ULK4: variants seen among roughly 807,000 people sequenced by gnomAD.
ULK4 encodes the protein inactive serine/threonine-protein kinase ULK4.
ULK4 carries 133 observed loss-of-function variants against 160.6 expected under a neutral mutation model. The ratio of observed to expected loss-of-function variants is 0.83; its 90% CI spans 0.72 to 0.96. The LOEUF (loss-of-function observed/expected upper bound fraction) is 0.96. ULK4 is among the 40% of genes least tolerant of loss of function. The pLI is 0.00. For missense variants in ULK4, 1,580 were observed against 1,499.5 expected, an observed-to-expected ratio of 1.05 and a Z score of -0.89; for synonymous variants, 534 against 539.8, an observed-to-expected ratio of 0.99 and a Z score of 0.15.
intron 34 of ULK4, among the ~76,000 whole-genome samples, chr3:41,412,100 T>C (rs559736929): frequency 1.6e-4 from 25 of 152,232 alleles, no homozygotes; most frequent in African/African-American, 6.0e-4. Flanking sequence ...TTTAACAAAG[T>C]TGCAGGATTC....
chr3:41,277,798 T>C (rs2079255049), intron 35 of ULK4: 1 of 152,184 alleles, frequency 6.6e-6, no homozygotes, highest in Non-Finnish European at 1.5e-5. Flanking sequence ...GATGATATGA[T>C]CACTTACCTT....
At chr3:41,758,953 T>TA (rs2038898866) in intron 21 of ULK4, among the ~76,000 whole-genome samples, 1 of 151,656 alleles carries the variant, frequency 6.6e-6, no homozygotes, top group Non-Finnish European at 1.5e-5. Flanking sequence ...CAATTACTAA[T>TA]AAAAAACCAT....
At chr3:41,474,750 C>T (rs1443692784) in intron 32 of ULK4, among the ~76,000 whole-genome samples, 1 of 148,562 alleles carries the variant, frequency 6.7e-6, no homozygotes, top group Non-Finnish European at 1.5e-5. Context: ...TGAAAAGATG[C>T]TCATCACCAG....
intron 34 of ULK4, among the ~76,000 whole-genome samples, chr3:41,423,730 T>G (rs1361286552): frequency 6.7e-6 from 1 of 150,304 alleles, no homozygotes; most frequent in African/African-American, 2.5e-5. Flanking sequence ...CCATGGGGAG[T>G]GAGGAAAAGC....
At chr3:41,564,350 TGAG>T (rs1293092914) in intron 32 of ULK4, among the ~76,000 whole-genome samples, 1 of 151,872 alleles carries the variant, frequency 6.6e-6, no homozygotes, top group Non-Finnish European at 1.5e-5. Context: ...GGGACCCACT[TGAG>T]GAGGTAGTCC....
intron 35 of ULK4, among the ~76,000 whole-genome samples, chr3:41,361,964 A>G (rs2081154992): frequency 1.3e-5 from 2 of 152,210 alleles, no homozygotes; most frequent in South Asian, 4.1e-4. Flanking sequence ...CTGTATTTTC[A>G]GAAAGGCATT....
intron 32 of ULK4, among the ~76,000 whole-genome samples, chr3:41,505,613 A>C (rs2085347937): frequency 6.6e-6 from 1 of 152,176 alleles, no homozygotes; most frequent in African/African-American, 2.4e-5. Context: ...GGCAGAAACC[A>C]GGTCAATTTT....
intron 20 of ULK4, among the ~76,000 whole-genome samples, chr3:41,799,633 A>T (rs984061190): frequency 4.6e-5 from 7 of 152,078 alleles, no homozygotes; most frequent in African/African-American, 9.7e-5. Flanking sequence ...AGGCCAGGGC[A>T]GGCAGATTGC....
chr3:41,824,326 G>C (rs367659262), intron 18 of ULK4, among the ~76,000 whole-genome samples: 1 of 152,086 alleles, frequency 6.6e-6, no homozygotes, highest in Non-Finnish European at 1.5e-5. Context: ...GTGCAGGACA[G>C]TGGGTGCAGC....
chr3:41,349,812 A>G (rs1342144902), intron 35 of ULK4, among the ~76,000 whole-genome samples: 1 of 152,166 alleles, frequency 6.6e-6, no homozygotes, highest in East Asian at 1.9e-4. Flanking sequence ...GCAGAATCCA[A>G]GGTATTTTAT....
At chr3:41,305,458 G>C (rs891297557) in intron 35 of ULK4, among the ~76,000 whole-genome samples, 2 of 152,280 alleles carry the variant, frequency 1.3e-5, no homozygotes, top group Non-Finnish European at 2.9e-5. Context: ...CTAACCGCAA[G>C]TGATCCGCCA....
intron 27 of ULK4, among the ~76,000 whole-genome samples, chr3:41,697,294 T>C (rs1190942133): frequency 6.6e-6 from 1 of 152,186 alleles, no homozygotes; most frequent in Non-Finnish European, 1.5e-5. Context: ...ATGATGGAGC[T>C]GAAAAATTCC....
intron 27 of ULK4, among the ~76,000 whole-genome samples, chr3:41,692,957 G>C: frequency 6.6e-6 from 1 of 152,150 alleles, no homozygotes; most frequent in Non-Finnish European, 1.5e-5. Context: ...TGAAATCAAT[G>C]TCTGTGACTT....
intron 35 of ULK4, among the ~76,000 whole-genome samples, chr3:41,303,021 T>A (rs1392252437): frequency 6.6e-6 from 1 of 152,196 alleles, no homozygotes. Context: ...ATTGTGCATT[T>A]ATGTCAGAAG....
In ULK4 at chr3:41,249,421, G is replaced by C; in HGVS notation, c.3764+68C>G. The stretch of plus-strand genomic sequence containing the variant: ...TGGAGGGAGATGAGTGGGAGGAGTG[G>C]AGAAAGGAATGGCTGAGAGTGTGTG... On this transcript the variant is annotated intron_variant, in intron 36 of 36. Coordinates refer to ENST00000301831, the MANE Select transcript of ULK4 (RefSeq NM_017886.4). The C allele has an allele frequency of 4.9e-6, 7 of 1,436,298 alleles. No homozygotes were observed. The South Asian group carries it at 9.0e-5, about 18-fold the overall frequency. 89.0% of individuals were successfully genotyped at this position (1,436,298 alleles called of 1,614,324 possible). A position where few individuals can be genotyped will look rare whatever the true frequency, so the allele number is the denominator to read the frequency against.
chr3:41,617,150 G>A (rs957330693), intron 30 of ULK4, among the ~76,000 whole-genome samples: 5 of 152,214 alleles, frequency 3.3e-5, no homozygotes, highest in African/African-American at 1.2e-4. Context: ...GACCACCTGG[G>A]GGAAGGGGCA....
chr3:41,806,305 G>T (rs1172555232), intron 19 of ULK4, among the ~76,000 whole-genome samples: 1 of 151,968 alleles, frequency 6.6e-6, no homozygotes. Context: ...ATGGTAGTTT[G>T]TATTTCTGTG....
At chr3:41,429,918 TC>T (rs2082864825) in intron 34 of ULK4, among the ~76,000 whole-genome samples, 1 of 152,170 alleles carries the variant, frequency 6.6e-6, no homozygotes, top group Non-Finnish European at 1.5e-5. Flanking sequence ...TAATTAAAAT[TC>T]TTTTTAAAAA....
chr3:41,438,505 T>C (rs531679423), intron 34 of ULK4, among the ~76,000 whole-genome samples: 8 of 152,004 alleles, frequency 5.3e-5, no homozygotes, highest in Non-Finnish European at 1.0e-4. Context: ...CAGATAGTTA[T>C]CCCCATGGGT....
Sources: gnomAD v4.1 joint callset for allele counts (sites outside exome capture counted in the v4.1 genomes callset) on GRCh38, gnomAD v4.1.1 for gene constraint, MANE v1.5 for transcripts, NCBI Gene and HGNC (gene_info 2026-07-23, HGNC 2026-07-21) for gene names.